CARS1: variants seen among roughly 807,000 people sequenced by gnomAD.
The protein encoded by CARS1 is cysteinyl-tRNA synthetase 1, also known as cysteine--tRNA ligase, cytoplasmic.
CARS1 carries 48 observed loss-of-function variants against 106.2 expected under a neutral mutation model. The observed-to-expected ratio is 0.45, with a 90% CI of 0.36 to 0.57. The LOEUF (loss-of-function observed/expected upper bound fraction) is 0.57. CARS1 is among the 20% of genes least tolerant of loss of function. The pLI, the probability that CARS1 is intolerant of heterozygous loss-of-function variation, is 0.00. For missense variants in CARS1, 968 were observed against 1,057.2 expected (o/e 0.92, Z 1.17); for synonymous variants, 409 against 403.4 (o/e 1.01, Z -0.17).
intron 22 of CARS1, 108 bp from the exon 23 acceptor site, chr11:3,001,356 A>T: frequency 7.6e-7 from 1 of 1,311,022 alleles, no homozygotes. Flanking sequence ...TGATGCAGCC[A>T]TGTCCTCTTG....
chr11:3,021,914 T>C lies in CARS1; in HGVS notation c.1154-1582A>G, dbSNP rs1851603826. On this transcript the variant is annotated intron_variant, in intron 10 of 22. Coordinates refer to ENST00000380525, the MANE Select transcript of CARS1 (RefSeq NM_001014437.3). The surrounding 1 kb of genome is among the most constrained non-coding windows in gnomAD (Gnocchi z 5.3). ...AATATACATTCACGTTTTCAACTTT[T>C]CATTATTATGAACTTACTCATGAAA... Among the ~76,000 whole-genome samples the C allele has an allele frequency of 6.6e-6, 1 of 152,262 alleles. No individual in the cohort carries two copies. Among genetic ancestry groups the C allele is most frequent in the Non-Finnish European group, 1.5e-5 (1 of 68,044 alleles).
chr11:3,024,374 A>C (rs1851850359), intron 10 of CARS1, among the ~76,000 whole-genome samples: 1 of 152,116 alleles, frequency 6.6e-6, no homozygotes. Context: ...GCATGATTTC[A>C]ACCCCCCAGA....
intron 20 of CARS1, 76 bp from the exon 21 acceptor site, chr11:3,002,676 C>A: frequency 6.3e-7 from 1 of 1,596,730 alleles, no homozygotes; most frequent in South Asian, 1.1e-5. Flanking sequence ...GAGGTCTAGC[C>A]AAACAAGCCC....
Position 3,037,932 on chromosome 11 carries a change from G to A in CARS1, c.801+118C>T. 9.6e-7 allele frequency: 1 copy of A among 1,040,166 alleles called. No individual in the cohort carries two copies. Among genetic ancestry groups the A allele is most frequent in the Non-Finnish European group, 1.4e-6 (1 of 717,516 alleles). The allele number at this position is 1,040,166 out of a possible 1,614,324, so 64.4% of individuals were successfully genotyped here. A position where few individuals can be genotyped will look rare whatever the true frequency, so the allele number is the denominator to read the frequency against. Reference sequence around the variant, plus strand: ...CGCCTGCCACAGTGGAGCTACTGGAGACACAGAGTGTCTTCCACTAAGACA... The same window carrying A: ...CGCCTGCCACAGTGGAGCTACTGGAAACACAGAGTGTCTTCCACTAAGACA... On this transcript the variant is annotated intron_variant, in intron 7 of 22. Transcript: ENST00000380525. This position sits in a 1 kb window ranked among gnomAD's most constrained non-coding sequence, Gnocchi z 5.9.
At chr11:3,016,804 G>A (rs1317867706) in intron 16 of CARS1, among the ~76,000 whole-genome samples, 1 of 152,120 alleles carries the variant, frequency 6.6e-6, no homozygotes, top group East Asian at 1.9e-4. Context: ...TATAGACCCG[G>A]GATCTCACTA....
chr11:3,020,023 T>G lies in CARS1; in HGVS notation c.1266+197A>C, dbSNP rs1291403029. Among the ~76,000 whole-genome samples, 1 of 152,172 alleles carries G rather than the reference T, an allele frequency of 6.6e-6. No homozygotes were observed. Among genetic ancestry groups the G allele is most frequent in the Non-Finnish European group, 1.5e-5 (1 of 68,022 alleles). ...GAAAACAGAAATCCCAGGAGGGAAG[T>G]GATTTGTCCAGAGACTCAGGGAGTC... On this transcript the variant is annotated intron_variant, in intron 11 of 22. Transcript: ENST00000380525. The surrounding 1 kb of genome is among the most constrained non-coding windows in gnomAD (Gnocchi z 4.6).
At chr11:3,033,564 T>G (rs1017167245) in intron 7 of CARS1, among the ~76,000 whole-genome samples, 1 of 152,190 alleles carries the variant, frequency 6.6e-6, no homozygotes, top group Non-Finnish European at 1.5e-5. Flanking sequence ...GTAAATGATG[T>G]CAAATTTTGC....
chr11:3,027,217 G>C, intron 9 of CARS1: 1 of 156,470 alleles, frequency 6.4e-6, no homozygotes, highest in Non-Finnish European at 1.4e-5. Context: ...GCTTCGGCTT[G>C]CCCATGCCTC....
intron 2 of CARS1, 43 bp downstream of exon 2, chr11:3,047,710 G>A (rs1166011562): frequency 1.3e-6 from 2 of 1,572,684 alleles, no homozygotes; most frequent in African/African-American, 1.4e-5. Context: ...CTTGACCTTG[G>A]GAGAGAGGTT....
rs1422243221 is a variant in CARS1, at chr11:3,030,021, G to C, written c.802-578C>G. ...ATGGCACCTATGTGAACCAGGTCCT[G>C]ACCACACACACTCTAGGCATGAGAC... is the stretch of plus-strand genomic sequence containing the variant. On this transcript the variant is annotated intron_variant, in intron 7 of 22. Coordinates refer to ENST00000380525, the MANE Select transcript of CARS1 (RefSeq NM_001014437.3). The surrounding 1 kb of genome is among the most constrained non-coding windows in gnomAD (Gnocchi z 5.7). 3 of 153,280 alleles carry C rather than the reference G, an allele frequency of 2.0e-5. No individual in the cohort carries two copies. Among genetic ancestry groups the C allele is most frequent in the Admixed American group, 1.3e-4 (2 of 15,442 alleles). The allele number at this position is 153,280 out of a possible 1,614,324, so 9.5% of individuals were successfully genotyped here.
In CARS1 at chr11:3,047,787, G is replaced by A. The variant is rs1855254510; in HGVS notation, c.240C>T (p.Pro80=). The change falls in exon 2 of 23, where the codon CCC becomes CCT. Residue 80 remains proline, a synonymous_variant. Coordinates refer to ENST00000380525, the MANE Select transcript of CARS1 (RefSeq NM_001014437.3). ...GCCTGCAGGGCTGGCCTTTGCCACA[G>A]GGGCTACCCAGGAGCGCTTCTATGT... ...FRHIEALLGS[P]CGKGQPCRLQ... The A allele has an allele frequency of 6.2e-7, 1 of 1,613,668 alleles. No homozygotes were observed. The highest frequency in any genetic ancestry group is 1.7e-5 in the Admixed American group (1 of 60,008).
chr11:3,049,527 C>A (rs940619422), intron 1 of CARS1, among the ~76,000 whole-genome samples: 3 of 152,216 alleles, frequency 2.0e-5, no homozygotes, highest in Non-Finnish European at 4.4e-5. Context: ...GGTCCCTGAG[C>A]CCATGAGCAC....
At position 3,039,388 on chromosome 11, in the gene CARS1, G is replaced by C. The variant is rs545445770; in HGVS notation, c.553-96C>G. The C allele has an allele frequency of 1.0e-4, 76 of 754,454 alleles. 1 individual carries two copies. The highest frequency in any genetic ancestry group is 7.9e-4 in the South Asian group (53 of 66,682). The allele number at this position is 754,454 out of a possible 1,614,324, so 46.7% of individuals were successfully genotyped here. A position where few individuals can be genotyped will look rare whatever the true frequency, so the allele number is the denominator to read the frequency against. On this transcript the variant is annotated intron_variant, in intron 5 of 22. Coordinates refer to ENST00000380525, the MANE Select transcript of CARS1 (RefSeq NM_001014437.3). The surrounding 1 kb of genome is among the most constrained non-coding windows in gnomAD (Gnocchi z 5.6). ...CTCTCCCTTGGCCAACTCTAAGTGA[G>C]GGTGAGGGTGGTGGGAGACAACTGT...
Position 3,006,897 on chromosome 11 carries a change from G to A in CARS1, c.2131C>T (p.Arg711Trp), listed in dbSNP as rs754109841. 2.5e-6 allele frequency: 4 copies of A among 1,613,870 alleles called. No homozygotes were observed. Among genetic ancestry groups the A allele is most frequent in the Middle Eastern group, 1.6e-4 (1 of 6,062 alleles). ...CACCCACCTTCGTGGTCTTCAAACC[G>A]CACCCCAAGCTCGGGCAGGATGTTG... ...RDNILPELGV[R>W]FEDHEGLPTV... is the part of the protein sequence containing the mutation. Residue 711 changes from arginine (R) to tryptophan (W), a missense_variant, in exon 19 of 23, where the codon CGG becomes TGG. Physicochemically the swap from Arg to Trp is moderately radical, Grantham distance 101. Transcript: ENST00000380525.
chr11:3,010,202 G>C (rs1338851160), intron 18 of CARS1, among the ~76,000 whole-genome samples: 1 of 152,270 alleles, frequency 6.6e-6, no homozygotes, highest in Non-Finnish European at 1.5e-5. Context: ...CCGAGCGGGA[G>C]CTTGTGCCTG....
Position 3,029,463 on chromosome 11 carries a change from A to T in CARS1, c.802-20T>A. 6.2e-7 allele frequency: 1 copy of T among 1,611,818 alleles called. No homozygotes were observed. The highest frequency in any genetic ancestry group is 1.1e-5 in the South Asian group (1 of 91,076). On this transcript the variant is annotated intron_variant, in intron 7 of 22. Coordinates refer to ENST00000380525, the MANE Select transcript of CARS1 (RefSeq NM_001014437.3). This position sits in a 1 kb window ranked among gnomAD's most constrained non-coding sequence, Gnocchi z 5.9. ...CAACACCTGAAGAGAAAGAAACAAA[A>T]ATCCAGCAGCGGGCCACACACTTCA...
At chr11:3,032,105 G>A (rs2134211261) in intron 7 of CARS1, among the ~76,000 whole-genome samples, 1 of 138,096 alleles carries the variant, frequency 7.2e-6, no homozygotes, top group East Asian at 2.3e-4. Flanking sequence ...ATGGAGTCTA[G>A]CTCTGTCACC....
In CARS1 at chr11:3,045,789, G is replaced by A. The variant is rs147861741; in HGVS notation, c.274+1964C>T. ...AGTATGAGCCATGGAAAGAGAGGGC[G>A]TTCCCACTCAGTGGGGGAAGCAGCT... On this transcript the variant is annotated intron_variant, in intron 2 of 22. Coordinates refer to ENST00000380525, the MANE Select transcript of CARS1 (RefSeq NM_001014437.3). The surrounding 1 kb of genome is among the most constrained non-coding windows in gnomAD (Gnocchi z 5.6). Among the ~76,000 whole-genome samples, 152 of 152,324 alleles carry A rather than the reference G, an allele frequency of 1.0e-3. No homozygotes were observed. The highest frequency in any genetic ancestry group is 3.5e-3 in the African/African-American group (144 of 41,578).
rs1342465898 is a variant in CARS1, at chr11:3,029,645, G to C, written c.802-202C>G. The C allele has an allele frequency of 5.2e-6, 3 of 578,422 alleles. No individual in the cohort carries two copies. Among genetic ancestry groups the C allele is most frequent in the Non-Finnish European group, 9.1e-6 (3 of 331,180 alleles). 35.8% of individuals were successfully genotyped at this position (578,422 alleles called of 1,614,324 possible). A position where few individuals can be genotyped will look rare whatever the true frequency, so the allele number is the denominator to read the frequency against. On this transcript the variant is annotated intron_variant, in intron 7 of 22. Transcript: ENST00000380525. The surrounding 1 kb of genome is among the most constrained non-coding windows in gnomAD (Gnocchi z 5.9). ...AATACAAGACTCTACAAATGGGCAG[G>C]TCTCACATGAACTCAGAGGAGCAAA...
Sources: allele counts gnomAD v4.1 joint callset (sites outside exome capture counted in the v4.1 genomes callset), GRCh38; gene constraint gnomAD v4.1.1; non-coding constraint Gnocchi (gnomAD v3.1); transcripts MANE v1.5; gene names NCBI Gene and HGNC (gene_info 2026-07-23, HGNC 2026-07-21).